GPRC5B: variants seen among roughly 807,000 people sequenced by gnomAD.
The protein encoded by GPRC5B is G protein-coupled receptor class C group 5 member B.
GPRC5B carries 16 observed loss-of-function variants against 30.1 expected under a neutral mutation model. The ratio of observed to expected loss-of-function variants is 0.53; its 90% confidence interval spans 0.36 to 0.81. GPRC5B has a LOEUF of 0.81. Among genes scored for constraint, GPRC5B ranks in the 30% least tolerant of loss-of-function variants. The probability of loss-of-function intolerance (pLI) is 0.01; values close to 1 mark genes in which losing one functional copy is unlikely to be tolerated. For synonymous variants in GPRC5B, 241 were observed against 239.5 expected (o/e 1.01, Z -0.06); for missense variants, 428 against 544.7 (o/e 0.79, Z 2.13).
chr16:19,857,351 C>A lies in GPRC5B; in HGVS notation c.*3149G>T. ...TAAGAACAGCATTTTGAAAATAAAA[C>A]CTATCTGCCCATGGTTTACAGCCTT... On this transcript the variant is annotated 3_prime_UTR_variant, in exon 4 of 4. Transcript: ENST00000300571. The A allele has an allele frequency of 2.5e-6, 1 of 395,740 alleles. No homozygotes were observed. Among genetic ancestry groups the A allele is most frequent in the South Asian group, 1.8e-5 (1 of 54,136 alleles). 24.5% of individuals were successfully genotyped at this position (395,740 alleles called of 1,614,324 possible).
chr16:19,872,276 C>T lies in GPRC5B; in HGVS notation c.570G>A (p.Arg190=), dbSNP rs762797994. 4 of 1,614,020 alleles carry T rather than the reference C, an allele frequency of 2.5e-6. No individual in the cohort carries two copies. The South Asian group carries it at 3.3e-5, about 13-fold the overall frequency. ...WLVLTVLRDT[R]PACAYEPMDF... Reference sequence around the variant, plus strand: ...CCATGGGCTCGTAGGCGCAGGCTGGCCTTGTGTCACGCAGCACGGTGAGCA... The same window carrying T: ...CCATGGGCTCGTAGGCGCAGGCTGGTCTTGTGTCACGCAGCACGGTGAGCA... The change falls in exon 2 of 4, where the codon AGG becomes AGA. Residue 190 remains arginine, a synonymous_variant. Transcript: ENST00000300571. The surrounding 1 kb of genome is among the most constrained non-coding windows in gnomAD (Gnocchi z 5.0).
intron 1 of GPRC5B, chr16:19,874,834 T>TA (rs1781695394): frequency 6.7e-6 from 1 of 150,014 alleles, no homozygotes; most frequent in Non-Finnish European, 1.5e-5. Flanking sequence ...GACTGTCCCC[T>TA]ACCTCACGGC....
intron 1 of GPRC5B, among the ~76,000 whole-genome samples, chr16:19,884,167 T>A (rs1023070156): frequency 2.6e-5 from 3 of 115,704 alleles, no homozygotes; most frequent in Admixed American, 1.0e-4. Flanking sequence ...AGCTCTGCCA[T>A]CTCCCACCGC....
At chr16:19,871,776 G>A (rs367799475) in intron 2 of GPRC5B, 40 bp downstream of exon 2, 7 of 1,554,686 alleles carry the variant, frequency 4.5e-6, no homozygotes, top group African/African-American at 1.4e-5. Context: ...TGAGATGAAT[G>A]GTCCCCCGGC....
rs71375667 is a variant in GPRC5B at position 19,871,281 on chromosome 16, CAAAAA to C, written c.1030+530_1030+534del. Among the ~76,000 whole-genome samples, 4 of 70,354 alleles carry C rather than the reference CAAAAA, an allele frequency of 5.7e-5. 1 individual carries two copies. The highest frequency in any genetic ancestry group is 1.0e-4 in the Non-Finnish European group (4 of 38,166). 46.2% of individuals were successfully genotyped at this position (70,354 alleles called of 152,430 possible). On this transcript the variant is annotated intron_variant, in intron 2 of 3. Transcript: ENST00000300571. ...TGGGCAACAGAACAAGACCCTGTCTCAAAAAAAAAAAAAAAAAAAGAAAGAAAGAA... is the reference window on the plus strand; with the variant it reads ...TGGGCAACAGAACAAGACCCTGTCTCAAAAAAAAAAAAAAGAAAGAAAGAA...
In GPRC5B at chr16:19,872,450, G is replaced by A. The variant is rs375569205; in HGVS notation, c.396C>T (p.Leu132=). ...CSVRRFLWGV[L]FALCFSCLLS... ...GCAGGCAGGAGAAGCAGAGCGCAAAGAGGACGCCCCAGAGGAAGCGGCGGA... is the reference window on the plus strand; with the variant it reads ...GCAGGCAGGAGAAGCAGAGCGCAAAAAGGACGCCCCAGAGGAAGCGGCGGA... The change falls in exon 2 of 4, where the codon CTC becomes CTT. Residue 132 remains leucine (L), a synonymous_variant. Coordinates refer to ENST00000300571, the MANE Select transcript of GPRC5B (RefSeq NM_016235.3). The surrounding 1 kb of genome is among the most constrained non-coding windows in gnomAD (Gnocchi z 5.0). The A allele has an allele frequency of 1.5e-5, 25 of 1,613,892 alleles. No individual in the cohort carries two copies. The highest frequency in any genetic ancestry group is 5.1e-6 in the Non-Finnish European group (6 of 1,179,940).
chr16:19,867,668 C>T (rs2056678235), intron 2 of GPRC5B, among the ~76,000 whole-genome samples: 1 of 152,134 alleles, frequency 6.6e-6, no homozygotes, highest in African/African-American at 2.4e-5. Context: ...AACCTCGTCT[C>T]CAGTGTGATG....
intron 2 of GPRC5B, among the ~76,000 whole-genome samples, chr16:19,868,103 G>T (rs1057388314): frequency 4.0e-5 from 6 of 151,410 alleles, no homozygotes; most frequent in African/African-American, 1.5e-4. Context: ...GGCTGGGTGC[G>T]GTGGCTCATG....
chr16:19,865,701 T>C (rs1431954133), intron 2 of GPRC5B, among the ~76,000 whole-genome samples: 1 of 152,156 alleles, frequency 6.6e-6, no homozygotes, highest in Non-Finnish European at 1.5e-5. Flanking sequence ...CAGCACTGTT[T>C]ATCGTTGAGA....
intron 1 of GPRC5B, among the ~76,000 whole-genome samples, chr16:19,877,657 C>A (rs571317006): frequency 3.3e-5 from 5 of 152,172 alleles, no homozygotes; most frequent in Non-Finnish European, 7.3e-5. Flanking sequence ...GTGTACTTCG[C>A]GTATATTAAT....
chr16:19,870,401 G>C (rs904661632), intron 2 of GPRC5B, among the ~76,000 whole-genome samples: 4 of 152,150 alleles, frequency 2.6e-5, no homozygotes, highest in Non-Finnish European at 4.4e-5. Context: ...AACATACCAG[G>C]TACCAAGAGG....
rs745928242 is a variant in GPRC5B at position 19,872,705 on chromosome 16, G to A, written c.141C>T (p.Ser47=). Residue 47 remains serine, a synonymous_variant, in exon 2 of 4, where the codon TCC becomes TCT. Transcript: ENST00000300571. This position sits in a 1 kb window ranked among gnomAD's most constrained non-coding sequence, Gnocchi z 5.0. ...CGLDLLPQYV[S]LCDLDAIWGI... The stretch of plus-strand genomic sequence containing the variant: ...CCCAGATGGCGTCCAGGTCGCACAG[G>A]GACACGTACTGAGGGAGGAGGTCCA... The A allele has an allele frequency of 1.2e-6, 2 of 1,614,002 alleles. No individual in the cohort carries two copies. Among genetic ancestry groups the A allele is most frequent in the Non-Finnish European group, 1.7e-6 (2 of 1,180,042 alleles).
upstream of GPRC5B, chr16:19,885,168 A>G (rs2056841104): frequency 1.6e-6 from 2 of 1,271,334 alleles, no homozygotes; most frequent in African/African-American, 1.5e-5. This position sits in a 1 kb window ranked among gnomAD's most constrained non-coding sequence, Gnocchi z 5.3. Flanking sequence ...GGGTAGATCC[A>G]TTTGCGGGAA....
At position 19,869,121 on chromosome 16, in the gene GPRC5B, G is replaced by A. The variant is rs185070830; in HGVS notation, c.1030+2695C>T. 2.9e-3 allele frequency among the ~76,000 whole-genome samples: 446 copies of A among 152,216 alleles called. 2 individuals carry two copies. The highest frequency in any genetic ancestry group is 4.9e-3 in the Admixed American group (75 of 15,298). Reference sequence around the variant, plus strand: ...AGGCAGGCGGATCACATGAGGTCAGGAGTTCGAGACCAGCCTGGGCAACAT... The same window carrying A: ...AGGCAGGCGGATCACATGAGGTCAGAAGTTCGAGACCAGCCTGGGCAACAT... On this transcript the variant is annotated intron_variant, in intron 2 of 3. Transcript: ENST00000300571.
At chr16:19,879,967 T>C (rs2056791298) in intron 1 of GPRC5B, among the ~76,000 whole-genome samples, 1 of 151,486 alleles carries the variant, frequency 6.6e-6, no homozygotes, top group Non-Finnish European at 1.5e-5. Flanking sequence ...AAACCCTGTC[T>C]CTATAAAAAT....
Position 19,858,320 on chromosome 16 carries a change from AAAGGG to A in GPRC5B, c.*2175_*2179del. 2.2e-6 allele frequency: 1 copy of A among 444,624 alleles called. No individual in the cohort carries two copies. Among genetic ancestry groups the A allele is most frequent in the Non-Finnish European group, 4.0e-6 (1 of 251,542 alleles). The allele number at this position is 444,624 out of a possible 1,614,324, so 27.5% of individuals were successfully genotyped here. A position where few individuals can be genotyped will look rare whatever the true frequency, so the allele number is the denominator to read the frequency against. On this transcript the variant is annotated 3_prime_UTR_variant, in exon 4 of 4. Coordinates refer to ENST00000300571, the MANE Select transcript of GPRC5B (RefSeq NM_016235.3). ...TAAGTGCGATAACATATCAGATTTA[AAAGGG>A]GGGAAAAAGGTCTCATTAAATGAGG...
Position 19,872,211 on chromosome 16 carries a change from A to G in GPRC5B, c.635T>C (p.Val212Ala). 1 of 1,614,182 alleles carries G rather than the reference A, an allele frequency of 6.2e-7. No individual in the cohort carries two copies. The highest frequency in any genetic ancestry group is 8.5e-7 in the Non-Finnish European group (1 of 1,180,028). ...GAAGAGGGCCAGCCCCAGGGTGACC[A>G]CAAGCAGTACCATGTCGTAGATGAG... The part of the protein sequence containing the change: ...MALIYDMVLL[V>A]VTLGLALFTL... The change falls in exon 2 of 4, where the codon GTG becomes GCG. Residue 212 changes from valine to alanine, a missense_variant. Transcript: ENST00000300571. This position sits in a 1 kb window ranked among gnomAD's most constrained non-coding sequence, Gnocchi z 5.0.
intron 1 of GPRC5B, among the ~76,000 whole-genome samples, chr16:19,880,546 G>A (rs148504643): frequency 6.6e-6 from 1 of 152,124 alleles, no homozygotes; most frequent in Non-Finnish European, 1.5e-5. Flanking sequence ...AAACATCAAC[G>A]AAAGAGGTCC....
In GPRC5B at chr16:19,856,926, T is replaced by A. The variant is rs2056570239; in HGVS notation, c.*3574A>T. 1.1e-5 allele frequency: 2 copies of A among 180,620 alleles called. No homozygotes were observed. Among genetic ancestry groups the A allele is most frequent in the Non-Finnish European group, 2.3e-5 (2 of 87,284 alleles). 11.2% of individuals were successfully genotyped at this position (180,620 alleles called of 1,614,324 possible). ...GCCGCCTTTGCAAAGATCCATATTC[T>A]AATTTAAGTCCCCAACCTCTGAATT... On this transcript the variant is annotated 3_prime_UTR_variant, in exon 4 of 4. Transcript: ENST00000300571.
Sources: allele counts gnomAD v4.1 joint callset (sites outside exome capture counted in the v4.1 genomes callset), GRCh38; gene constraint gnomAD v4.1.1; non-coding constraint Gnocchi (gnomAD v3.1); transcripts MANE v1.5; gene names NCBI Gene and HGNC (gene_info 2026-07-23, HGNC 2026-07-21).